SND1: variants seen among roughly 807,000 people sequenced by gnomAD.
The protein encoded by SND1 is staphylococcal nuclease and tudor domain containing 1.
Under a neutral mutation model 121.7 loss-of-function variants are expected in SND1, and 38 were observed. The observed-to-expected ratio is 0.31, with a 90% confidence interval of 0.24 to 0.41. The LOEUF (loss-of-function observed/expected upper bound fraction) is 0.41, where lower values mean the gene tolerates loss of function less well. Among genes scored for constraint, SND1 ranks in the 10% least tolerant of loss-of-function variants. The pLI, the probability that SND1 is intolerant of heterozygous loss-of-function variation, is 1.00. For missense variants in SND1, 868 were observed against 1,184.6 expected, an observed-to-expected ratio of 0.73 and a Z score of 3.92; for synonymous variants, 401 against 447.4, an observed-to-expected ratio of 0.90 and a Z score of 1.31.
intron 16 of SND1, among the ~76,000 whole-genome samples, chr7:128,058,444 C>T (rs986749084): frequency 6.6e-6 from 1 of 152,214 alleles, no homozygotes; most frequent in Non-Finnish European, 1.5e-5. Context: ...ATGGCAGAGG[C>T]TAAATTTGAA....
chr7:127,904,190 G>C (rs1219069510), intron 13 of SND1, among the ~76,000 whole-genome samples: 1 of 152,158 alleles, frequency 6.6e-6, no homozygotes, highest in Non-Finnish European at 1.5e-5. Context: ...TTATAGCTAA[G>C]ACTGATTGAA....
At chr7:128,050,342 C>T (rs960836309) in intron 16 of SND1, among the ~76,000 whole-genome samples, 2 of 152,188 alleles carry the variant, frequency 1.3e-5, no homozygotes, top group Admixed American at 6.5e-5. Context: ...GAAAAAAGTA[C>T]AGTAGAAATC....
chr7:127,767,166 G>A (rs535663564), intron 10 of SND1, among the ~76,000 whole-genome samples: 14 of 152,202 alleles, frequency 9.2e-5, no homozygotes, highest in Non-Finnish European at 1.8e-4. Flanking sequence ...TTATCTTTGG[G>A]ACATTTTATA....
At chr7:127,676,892 C>G (rs1004057824) in intron 1 of SND1, among the ~76,000 whole-genome samples, 1 of 152,210 alleles carries the variant, frequency 6.6e-6, no homozygotes, top group African/African-American at 2.4e-5. Context: ...CAAGCACCTA[C>G]CACCGTGTCC....
chr7:127,809,522 A>G (rs62481393), intron 11 of SND1, among the ~76,000 whole-genome samples: 10,015 of 152,214 alleles, frequency 0.066, 429 homozygotes, highest in Middle Eastern at 0.2. Flanking sequence ...GCCTCAGGGG[A>G]GTGGCTAGCA....
intron 1 of SND1, among the ~76,000 whole-genome samples, chr7:127,681,498 AATTT>A (rs1257787802): frequency 5.9e-5 from 9 of 152,110 alleles, no homozygotes; most frequent in East Asian, 1.9e-4. Context: ...TATGAAGTCC[AATTT>A]ATTTATTTAT....
chr7:127,791,844 A>G (rs575122010), intron 10 of SND1, among the ~76,000 whole-genome samples: 4 of 152,296 alleles, frequency 2.6e-5, no homozygotes, highest in African/African-American at 9.6e-5. Context: ...CTTTATTTAC[A>G]TCCCATTTTA....
chr7:127,976,039 TCTC>T (rs1163690777), intron 15 of SND1, among the ~76,000 whole-genome samples: 1 of 152,132 alleles, frequency 6.6e-6, no homozygotes, highest in East Asian at 1.9e-4. Flanking sequence ...TCCACCCTGT[TCTC>T]CTTTCCTCTC....
chr7:127,915,525 C>G (rs938817240), intron 14 of SND1, among the ~76,000 whole-genome samples: 2 of 152,156 alleles, frequency 1.3e-5, no homozygotes, highest in Non-Finnish European at 2.9e-5. Context: ...AATGAATGAT[C>G]AAACAATAAG....
chr7:127,738,198 G>A (rs1162117788), intron 10 of SND1, among the ~76,000 whole-genome samples: 1 of 151,780 alleles, frequency 6.6e-6, no homozygotes, highest in Non-Finnish European at 1.5e-5. Context: ...CCAAGGACTG[G>A]TAGGTACATT....
intron 11 of SND1, among the ~76,000 whole-genome samples, chr7:127,819,048 T>C (rs189319691): frequency 6.6e-6 from 1 of 152,330 alleles, no homozygotes; most frequent in African/African-American, 2.4e-5. Flanking sequence ...ATTTATAAAA[T>C]GGACATCATG....
At chr7:127,908,351 T>C (rs56838727) in intron 14 of SND1, among the ~76,000 whole-genome samples, 4 of 133,382 alleles carry the variant, frequency 3.0e-5, no homozygotes, top group Admixed American at 1.5e-4. Flanking sequence ...TGTGTGTGTG[T>C]GTGTGTGTGC....
At chr7:127,872,976 A>G (rs1482396423) in intron 12 of SND1, among the ~76,000 whole-genome samples, 2 of 152,090 alleles carry the variant, frequency 1.3e-5, no homozygotes, top group Non-Finnish European at 2.9e-5. Flanking sequence ...ACCTAAATTG[A>G]TCTCTTTGCT....
At chr7:127,803,947 C>T (rs941349727) in intron 10 of SND1, among the ~76,000 whole-genome samples, 1 of 152,174 alleles carries the variant, frequency 6.6e-6, no homozygotes, top group Non-Finnish European at 1.5e-5. Context: ...ACAGTGATTA[C>T]AGCACATATT....
At chr7:128,033,517 T>A (rs919412170) in intron 16 of SND1, among the ~76,000 whole-genome samples, 1 of 152,210 alleles carries the variant, frequency 6.6e-6, no homozygotes. Context: ...CTCAGCTCTC[T>A]GGTTTCTACC....
intron 1 of SND1, among the ~76,000 whole-genome samples, chr7:127,653,732 C>G (rs1404512987): frequency 6.6e-6 from 1 of 152,176 alleles, no homozygotes; most frequent in African/African-American, 2.4e-5. Context: ...TTAAGATCCC[C>G]TCGCCCAATT....
intron 1 of SND1, among the ~76,000 whole-genome samples, chr7:127,672,223 C>G (rs1365691587): frequency 6.6e-6 from 1 of 151,968 alleles, no homozygotes; most frequent in African/African-American, 2.4e-5. Flanking sequence ...TACCATATCC[C>G]TTTCATACTT....
At chr7:127,861,728 C>T (rs1463937806) in intron 12 of SND1, among the ~76,000 whole-genome samples, 1 of 152,194 alleles carries the variant, frequency 6.6e-6, no homozygotes, top group Non-Finnish European at 1.5e-5. Context: ...GCCTCGGCCT[C>T]CTGAAGTGCT....
chr7:127,696,570 C>G (rs1796010083), intron 3 of SND1, among the ~76,000 whole-genome samples: 2 of 152,124 alleles, frequency 1.3e-5, no homozygotes, highest in Admixed American at 1.3e-4. Context: ...AATTTCAATT[C>G]CATAATAGCT....
Sources: allele counts gnomAD v4.1 joint callset (sites outside exome capture counted in the v4.1 genomes callset), GRCh38; gene constraint gnomAD v4.1.1; transcripts MANE v1.5; gene names NCBI Gene and HGNC (gene_info 2026-07-23, HGNC 2026-07-21).